The following AR variants were observed in gnomAD, a reference collection of about 807,000 sequenced individuals.
AR encodes the protein dihydrotestosterone receptor.
AR carries 8 observed loss-of-function variants against 53.9 expected under a neutral mutation model. The observed-to-expected ratio is 0.15, with a 90% CI of 0.09 to 0.27. The LOEUF (loss-of-function observed/expected upper bound fraction) is 0.27, where lower values mean the gene tolerates loss of function less well. Among genes scored for constraint, AR ranks in the 10% least tolerant of loss-of-function variants. AR has a pLI of 1.00. For missense variants in AR, 639 were observed against 742.5 expected (o/e 0.86, Z 1.62); for synonymous variants, 359 against 316.4 (o/e 1.13, Z -1.43).
At chrX:67,569,452 GTTA>G (rs1329470881) in intron 1 of AR, among the ~76,000 whole-genome samples, 2 of 111,271 alleles carry the variant, frequency 1.8e-5, no homozygotes, top group African/African-American at 3.3e-5. Flanking sequence ...ATGTGTGTCT[GTTA>G]TTGTGAGTTC....
At chrX:67,625,899 A>AAT (rs1924606117) in intron 1 of AR, among the ~76,000 whole-genome samples, 1 of 110,718 alleles carries the variant, frequency 9.0e-6, no homozygotes, top group African/African-American at 3.3e-5. Context: ...GAGAAAAAAA[A>AAT]TTTTTTTAAA....
chrX:67,563,427 G>C (rs1455531180), intron 1 of AR, among the ~76,000 whole-genome samples: 1 of 111,734 alleles, frequency 8.9e-6, no homozygotes, highest in East Asian at 2.8e-4. Flanking sequence ...ATATAAGTGA[G>C]ATAATAAATG....
intron 1 of AR, among the ~76,000 whole-genome samples, chrX:67,562,798 C>T (rs1235020427): frequency 9.0e-6 from 1 of 111,369 alleles, no homozygotes; most frequent in African/African-American, 3.3e-5. Context: ...GTTGGATGAC[C>T]TCAGGACAGT....
intron 1 of AR, among the ~76,000 whole-genome samples, chrX:67,607,235 G>A (rs757205746): frequency 2.3e-4 from 25 of 110,856 alleles, no homozygotes; most frequent in Non-Finnish European, 4.0e-4. Flanking sequence ...CTCCATGTTG[G>A]TCAGGCTGTC....
chrX:67,589,125 C>T lies in AR; in HGVS notation c.1616+42363C>T, dbSNP rs1051732606. On this transcript the variant is annotated intron_variant, in intron 1 of 7. Transcript: ENST00000374690. Reference sequence around the variant, plus strand: ...AAGTCCACTGTTAATTAGCCGGGCGCGGTGGCGGGCGCCTGTAGTCCCAGC... The same window carrying T: ...AAGTCCACTGTTAATTAGCCGGGCGTGGTGGCGGGCGCCTGTAGTCCCAGC... Among the ~76,000 whole-genome samples, 7 of 111,848 alleles carry T rather than the reference C, an allele frequency of 6.3e-5. No homozygotes were observed. In the Admixed American group the frequency reaches 6.6e-4, roughly 10 times the overall value.
intron 1 of AR, among the ~76,000 whole-genome samples, chrX:67,630,404 G>T (rs1925011846): frequency 9.0e-6 from 1 of 111,150 alleles, no homozygotes; most frequent in Non-Finnish European, 1.9e-5. Flanking sequence ...GGCCTTCTTT[G>T]TCTCTTTTGA....
intron 1 of AR, among the ~76,000 whole-genome samples, chrX:67,562,356 A>ATGTG (rs756124629): frequency 0.02 from 1,929 of 95,010 alleles, 36 homozygotes; most frequent in African/African-American, 0.052. Context: ...TATGGTGTAT[A>ATGTG]TGTGTGTGTG....
At chrX:67,705,577 C>T (rs1159065578) in intron 3 of AR, among the ~76,000 whole-genome samples, 1 of 111,699 alleles carries the variant, frequency 9.0e-6, no homozygotes, top group Non-Finnish European at 1.9e-5. Context: ...GATATACAAT[C>T]ATGTCATCGG....
At chrX:67,571,816 T>C (rs1569272065) in intron 1 of AR, among the ~76,000 whole-genome samples, 1 of 110,540 alleles carries the variant, frequency 9.0e-6, no homozygotes, top group African/African-American at 3.3e-5. Flanking sequence ...TTATTGAATG[T>C]AAAATAATGA....
chrX:67,609,434 A>G (rs897582243), intron 1 of AR, among the ~76,000 whole-genome samples: 1 of 110,783 alleles, frequency 9.0e-6, no homozygotes, highest in African/African-American at 3.3e-5. Flanking sequence ...ATTCTACCCT[A>G]TTTTCCATTA....
chrX:67,658,124 T>G (rs748478803), intron 2 of AR, among the ~76,000 whole-genome samples: 28 of 112,209 alleles, frequency 2.5e-4, no homozygotes, highest in African/African-American at 8.7e-4. Context: ...GAAATAGTAT[T>G]GAGCATTAGA....
intron 2 of AR, among the ~76,000 whole-genome samples, chrX:67,661,006 C>A (rs1276064628): frequency 7.2e-5 from 8 of 111,567 alleles, no homozygotes; most frequent in Non-Finnish European, 1.3e-4. Context: ...CATGATTTGG[C>A]TCTCTGTTTT....
intron 1 of AR, among the ~76,000 whole-genome samples, chrX:67,611,999 A>G (rs1284246427): frequency 1.8e-5 from 2 of 112,087 alleles, no homozygotes; most frequent in African/African-American, 6.5e-5. Flanking sequence ...TTAGAGATTC[A>G]TCAGCATATG....
rs1285886146 is a variant in AR, at chrX:67,651,685, G to T, written c.1768+8278G>T. Among the ~76,000 whole-genome samples, 5 of 111,625 alleles carry T rather than the reference G, an allele frequency of 4.5e-5. No individual in the cohort carries two copies. In the Admixed American group the frequency reaches 4.8e-4, roughly 11 times the overall value. On this transcript the variant is annotated intron_variant, in intron 2 of 7. Transcript: ENST00000374690. ...TAAGAAAGATGTTAAGTACTGTGGG[G>T]AGTAACTGAGAAACCACCAAGTATC...
At chrX:67,604,242 GTGTA>G (rs1371422188) in intron 1 of AR, among the ~76,000 whole-genome samples, 15 of 103,477 alleles carry the variant, frequency 1.4e-4, no homozygotes, top group African/African-American at 5.6e-4. Context: ...GTGTGTGTGT[GTGTA>G]TGTGCCATTT....
In AR at chrX:67,692,662, C is replaced by A. The variant is rs570697107; in HGVS notation, c.1885+6536C>A. On this transcript the variant is annotated intron_variant, in intron 3 of 7. Coordinates refer to ENST00000374690, the MANE Select transcript of AR (RefSeq NM_000044.6). ...AACCACACTGTGGGAATAATAAAAT[C>A]TTTTTTACGGCATTGTTGTAAGTAT... 2.9e-4 allele frequency among the ~76,000 whole-genome samples: 32 copies of A among 111,781 alleles called. 1 individual carries two copies. The South Asian group carries it at 9.8e-3, about 34-fold the overall frequency.
intron 1 of AR, among the ~76,000 whole-genome samples, chrX:67,633,824 G>A (rs1462995859): frequency 8.9e-6 from 1 of 111,892 alleles, no homozygotes; most frequent in Non-Finnish European, 1.9e-5. Context: ...AGACTACACT[G>A]TATGATTTTA....
intron 2 of AR, among the ~76,000 whole-genome samples, chrX:67,673,115 G>A (rs1457144486): frequency 1.9e-5 from 2 of 105,123 alleles, no homozygotes; most frequent in Non-Finnish European, 3.9e-5. Context: ...GGCTACCACT[G>A]AAAAGTCTGC....
At chrX:67,634,117 T>C (rs963347432) in intron 1 of AR, among the ~76,000 whole-genome samples, 1 of 111,685 alleles carries the variant, frequency 9.0e-6, no homozygotes, top group Non-Finnish European at 1.9e-5. Flanking sequence ...TTTGGCAGTT[T>C]AGAATAGTGG....
Sources: gnomAD v4.1 joint callset for allele counts (sites outside exome capture counted in the v4.1 genomes callset) on GRCh38, gnomAD v4.1.1 for gene constraint, MANE v1.5 for transcripts, NCBI Gene and HGNC (gene_info 2026-07-23, HGNC 2026-07-21) for gene names.